Variants in CDIN1 observed in about 807,000 individuals in gnomAD.
CDIN1 encodes the protein CDAN1 interacting nuclease 1, also known as CDAN1-interacting nuclease 1.
Under a neutral mutation model 45.3 loss-of-function variants are expected in CDIN1, and 33 were observed. The observed-to-expected ratio is 0.73, with a 90% CI of 0.55 to 0.97. The LOEUF (loss-of-function observed/expected upper bound fraction) is 0.97. CDIN1 is among the 50% of genes least tolerant of loss of function. CDIN1 has a pLI of 0.00. For missense variants in CDIN1, 303 were observed against 339.4 expected (o/e 0.89, Z 0.84); for synonymous variants, 118 against 124.4 (o/e 0.95, Z 0.34).
intron 8 of CDIN1, chr15:36,707,046 C>G (rs746023706): frequency 1.3e-5 from 2 of 151,976 alleles, no homozygotes; most frequent in Non-Finnish European, 2.9e-5. Context: ...TTACCTCGTC[C>G]TTTCTTAGAT....
At chr15:36,615,028 G>A (rs1191186139) in intron 1 of CDIN1, among the ~76,000 whole-genome samples, 1 of 152,132 alleles carries the variant, frequency 6.6e-6, no homozygotes, top group Non-Finnish European at 1.5e-5. Context: ...TGATTTAGCC[G>A]TGTGAAACTC....
intron 10 of CDIN1, among the ~76,000 whole-genome samples, chr15:36,777,026 AG>A (rs2054235983): frequency 1.3e-5 from 2 of 152,088 alleles, no homozygotes; most frequent in South Asian, 2.1e-4. Context: ...TCTGATCTTA[AG>A]GTTATATAAT....
At chr15:36,626,450 C>T (rs1193426202) in intron 1 of CDIN1, among the ~76,000 whole-genome samples, 2 of 151,834 alleles carry the variant, frequency 1.3e-5, no homozygotes, top group Non-Finnish European at 2.9e-5. Flanking sequence ...AAAAGCCAGA[C>T]GAGTTCCACA....
chr15:36,708,819 T>C (rs1454857510), intron 8 of CDIN1: 2 of 154,388 alleles, frequency 1.3e-5, no homozygotes, highest in Non-Finnish European at 2.9e-5. Context: ...TTTTCATAAC[T>C]GTGAAGGCCA....
intron 5 of CDIN1, among the ~76,000 whole-genome samples, chr15:36,664,830 G>A (rs1194807274): frequency 1.3e-5 from 2 of 152,238 alleles, no homozygotes; most frequent in African/African-American, 4.8e-5. Flanking sequence ...ACAGGCCTGA[G>A]CCACCGCGCC....
rs748059421 is a variant in CDIN1, at chr15:36,645,175, C to T, written c.148-48C>T. On this transcript the variant is annotated intron_variant, in intron 2 of 10. Coordinates refer to ENST00000566621, the MANE Select transcript of CDIN1 (RefSeq NM_001321759.2). ...ATGTCATTCTTGTTTTGAACCTCAT[C>T]TGTGACATATCAAAGATTTTTTTGT... The T allele has an allele frequency of 8.5e-6, 12 of 1,419,878 alleles. No homozygotes were observed. In the South Asian group the frequency reaches 1.5e-4, roughly 18 times the overall value. The allele number at this position is 1,419,878 out of a possible 1,614,324, so 88.0% of individuals were successfully genotyped here.
intron 5 of CDIN1, among the ~76,000 whole-genome samples, chr15:36,676,852 C>T (rs1427546578): frequency 6.6e-6 from 1 of 152,084 alleles, no homozygotes; most frequent in Non-Finnish European, 1.5e-5. Context: ...GAGGAAAATC[C>T]AGGAGGGAGG....
chr15:36,599,640 G>A (rs1396626926), intron 1 of CDIN1, among the ~76,000 whole-genome samples: 1 of 152,082 alleles, frequency 6.6e-6, no homozygotes, highest in Non-Finnish European at 1.5e-5. Flanking sequence ...AATCTGTCTT[G>A]CCATCTTTAT....
intron 5 of CDIN1, among the ~76,000 whole-genome samples, chr15:36,659,966 C>CTTTTTTTTT (rs778988517): frequency 0.034 from 3,578 of 104,596 alleles, 22 homozygotes; most frequent in East Asian, 0.046. Context: ...CCTTCCTTTT[C>CTTTTTTTTT]TTTTTTTTTT....
intron 10 of CDIN1, among the ~76,000 whole-genome samples, chr15:36,773,447 T>C (rs931340445): frequency 2.6e-5 from 4 of 152,234 alleles, no homozygotes; most frequent in African/African-American, 9.6e-5. Context: ...TATTAGTTAT[T>C]TTTTATTTTG....
intron 10 of CDIN1, among the ~76,000 whole-genome samples, chr15:36,713,298 C>T (rs914283081): frequency 5.3e-5 from 8 of 152,172 alleles, no homozygotes; most frequent in Non-Finnish European, 1.2e-4. Context: ...ATTGCAACTG[C>T]AAGTTTCAGC....
chr15:36,756,769 A>G (rs976463659), intron 10 of CDIN1, among the ~76,000 whole-genome samples: 24 of 152,186 alleles, frequency 1.6e-4, no homozygotes, highest in Non-Finnish European at 2.9e-4. Flanking sequence ...AGCTATATGT[A>G]ACCACACTCC....
chr15:36,605,626 A>G (rs10518893), intron 1 of CDIN1, among the ~76,000 whole-genome samples: 6,042 of 152,310 alleles, frequency 0.04, 178 homozygotes, highest in South Asian at 0.14. Context: ...CCAAGGTCTA[A>G]TAATCCCTCA....
intron 1 of CDIN1, chr15:36,613,356 A>T: frequency 2.6e-6 from 2 of 767,448 alleles, no homozygotes; most frequent in South Asian, 1.5e-5. Flanking sequence ...AAAGTTAAAA[A>T]GATGTAAAGA....
chr15:36,650,645 G>A (rs1372996447), intron 3 of CDIN1, among the ~76,000 whole-genome samples: 4 of 151,940 alleles, frequency 2.6e-5, no homozygotes, highest in Non-Finnish European at 2.9e-5. Flanking sequence ...GTTTCACCAT[G>A]CTGTGCAGGG....
At chr15:36,785,929 T>C (rs940258394) in intron 10 of CDIN1, among the ~76,000 whole-genome samples, 2 of 152,166 alleles carry the variant, frequency 1.3e-5, no homozygotes, top group African/African-American at 2.4e-5. Context: ...TTTCAGAATA[T>C]TGGCCACTAT....
chr15:36,798,949 C>T (rs562330256), intron 10 of CDIN1: 19 of 152,304 alleles, frequency 1.2e-4, no homozygotes, highest in African/African-American at 4.3e-4. Flanking sequence ...ATGGACTGCA[C>T]CACTGTCAGC....
chr15:36,595,612 T>C (rs567123491), intron 1 of CDIN1, among the ~76,000 whole-genome samples: 49 of 145,102 alleles, frequency 3.4e-4, no homozygotes, highest in South Asian at 9.6e-4. Context: ...GAACTTCTAC[T>C]CTTTTAATCG....
intron 1 of CDIN1, among the ~76,000 whole-genome samples, chr15:36,619,706 C>G (rs1264744785): frequency 6.6e-6 from 1 of 151,600 alleles, no homozygotes; most frequent in Non-Finnish European, 1.5e-5. Flanking sequence ...TTTGAAGAAG[C>G]ATTTCTGTAA....
Sources: allele counts gnomAD v4.1 joint callset (sites outside exome capture counted in the v4.1 genomes callset), GRCh38; gene constraint gnomAD v4.1.1; transcripts MANE v1.5; gene names NCBI Gene and HGNC (gene_info 2026-07-23, HGNC 2026-07-21).